Variants in MVB12B observed in about 807,000 individuals in gnomAD.
The protein encoded by MVB12B is ESCRT-I complex subunit MVB12B.
A neutral mutation model predicts 41.6 loss-of-function variants in MVB12B; 16 were observed. That is an observed-to-expected ratio of 0.38 (90% CI 0.26 to 0.58). MVB12B has a LOEUF of 0.58. MVB12B is among the 20% of genes least tolerant of loss of function. MVB12B has a pLI of 0.62. For synonymous variants in MVB12B, 133 were observed against 139.7 expected (o/e 0.95, Z 0.34); for missense variants, 274 against 380.2 (o/e 0.72, Z 2.32).
chr9:126,501,577 A>G (rs1359930477), intron 9 of MVB12B, among the ~76,000 whole-genome samples: 1 of 152,174 alleles, frequency 6.6e-6, no homozygotes, highest in African/African-American at 2.4e-5. Context: ...AGTGGCAGCC[A>G]TGGACATAGT....
intron 7 of MVB12B, among the ~76,000 whole-genome samples, chr9:126,426,161 A>C (rs943152889): frequency 6.6e-6 from 1 of 152,250 alleles, no homozygotes; most frequent in African/African-American, 2.4e-5. Context: ...CCGGATGGCC[A>C]AGAAATCCTA....
At chr9:126,431,096 C>T (rs1390061577) in intron 7 of MVB12B, among the ~76,000 whole-genome samples, 1 of 152,194 alleles carries the variant, frequency 6.6e-6, no homozygotes, top group East Asian at 1.9e-4. Flanking sequence ...GGGCCCAGCA[C>T]GGTCTTCATC....
At position 126,506,001 on chromosome 9, in the gene MVB12B, T is replaced by C. The variant is rs76020842; in HGVS notation, c.*2738T>C. On this transcript the variant is annotated 3_prime_UTR_variant, in exon 10 of 10. Coordinates refer to ENST00000361171, the MANE Select transcript of MVB12B (RefSeq NM_033446.3). ...CTGTCCCCACCGCCTCCCCTTTCTCTCTGGAAAGTTGAAGTATCTCCAAAG... is the reference window on the plus strand; with the variant it reads ...CTGTCCCCACCGCCTCCCCTTTCTCCCTGGAAAGTTGAAGTATCTCCAAAG... 3.6e-3 allele frequency: 549 copies of C among 152,218 alleles called. 8 individuals carry two copies. The East Asian group carries it at 0.041, about 11-fold the overall frequency. 9.4% of individuals were successfully genotyped at this position (152,218 alleles called of 1,614,324 possible).
At position 126,478,375 on chromosome 9, in the gene MVB12B, C is replaced by T. The variant is rs1296841436; in HGVS notation, c.758-2994C>T. On this transcript the variant is annotated intron_variant, in intron 7 of 9. Transcript: ENST00000361171. This position sits in a 1 kb window ranked among gnomAD's most constrained non-coding sequence, Gnocchi z 4.2. ...CCCCGTGCATGGGAACAGCAGCCCT[C>T]CCTGTCCAGCACAGCCCCTGAGCCC... 1.3e-5 allele frequency among the ~76,000 whole-genome samples: 2 copies of T among 152,152 alleles called. No homozygotes were observed. Among genetic ancestry groups the T allele is most frequent in the Non-Finnish European group, 2.9e-5 (2 of 68,032 alleles).
At chr9:126,382,887 T>C (rs1830673645) in intron 3 of MVB12B, among the ~76,000 whole-genome samples, 1 of 152,176 alleles carries the variant, frequency 6.6e-6, no homozygotes, top group African/African-American at 2.4e-5. Flanking sequence ...AGAAAACACA[T>C]TGATTTCATC....
intron 7 of MVB12B, among the ~76,000 whole-genome samples, chr9:126,447,454 T>G (rs916607206): frequency 4.6e-5 from 7 of 152,116 alleles, no homozygotes; most frequent in Admixed American, 1.3e-4. Flanking sequence ...GTTTTGATTA[T>G]CCCTTTGACT....
chr9:126,406,467 C>T (rs1646954673), intron 6 of MVB12B, among the ~76,000 whole-genome samples: 1 of 152,260 alleles, frequency 6.6e-6, no homozygotes, highest in South Asian at 2.1e-4. Flanking sequence ...CTCTCACGCA[C>T]ACAGTCCTTT....
At chr9:126,464,726 A>C (rs536111518) in intron 7 of MVB12B, among the ~76,000 whole-genome samples, 1 of 152,190 alleles carries the variant, frequency 6.6e-6, no homozygotes, top group African/African-American at 2.4e-5. Context: ...TTCAGGTCAC[A>C]TGGCAAGGTG....
At chr9:126,438,174 G>A (rs1832537512) in intron 7 of MVB12B, among the ~76,000 whole-genome samples, 1 of 152,162 alleles carries the variant, frequency 6.6e-6, no homozygotes, top group African/African-American at 2.4e-5. Context: ...AAAGCAAATG[G>A]AAATAGGCTT....
intron 7 of MVB12B, among the ~76,000 whole-genome samples, chr9:126,446,938 CTTTTTTTT>C (rs33991689): frequency 9.6e-6 from 1 of 104,324 alleles, no homozygotes; most frequent in African/African-American, 3.9e-5. Context: ...TTTTAACTTT[CTTTTTTTT>C]TTTTTTTTTT....
At chr9:126,449,004 T>G (rs1832843289) in intron 7 of MVB12B, among the ~76,000 whole-genome samples, 1 of 152,176 alleles carries the variant, frequency 6.6e-6, no homozygotes, top group African/African-American at 2.4e-5. Flanking sequence ...CAGCGTGGCA[T>G]AGAAGGAAGG....
intron 9 of MVB12B, among the ~76,000 whole-genome samples, chr9:126,494,868 A>ACCCCCC (rs61435398): frequency 3.9e-5 from 5 of 127,570 alleles, no homozygotes; most frequent in South Asian, 2.4e-4. Flanking sequence ...GGAGCACCCC[A>ACCCCCC]CCCCCCCCCA....
chr9:126,337,759 T>A (rs1335940188), intron 1 of MVB12B, among the ~76,000 whole-genome samples: 2 of 152,166 alleles, frequency 1.3e-5, no homozygotes, highest in African/African-American at 4.8e-5. Flanking sequence ...GAGATACAGA[T>A]GGATGCTGGA....
intron 1 of MVB12B, among the ~76,000 whole-genome samples, chr9:126,331,209 C>T (rs1829122021): frequency 1.3e-5 from 2 of 152,196 alleles, no homozygotes; most frequent in Non-Finnish European, 2.9e-5. Flanking sequence ...AGTGGCTGTG[C>T]CATTTTACAT....
At chr9:126,502,771 T>TG (rs564631188) in intron 9 of MVB12B, among the ~76,000 whole-genome samples, 1 of 152,308 alleles carries the variant, frequency 6.6e-6, no homozygotes, top group South Asian at 2.1e-4. Context: ...CAGCCAGGTT[T>TG]GGGGTTGAGA....
chr9:126,419,418 T>A (rs1223262237), intron 6 of MVB12B, among the ~76,000 whole-genome samples: 1 of 152,168 alleles, frequency 6.6e-6, no homozygotes, highest in African/African-American at 2.4e-5. Context: ...CTTGATAGCA[T>A]TTGAATAAGG....
intron 7 of MVB12B, among the ~76,000 whole-genome samples, chr9:126,458,593 C>A (rs758076258): frequency 1.3e-5 from 2 of 152,180 alleles, no homozygotes; most frequent in African/African-American, 4.8e-5. Flanking sequence ...TTGGGCCTTG[C>A]GTTTCATGGT....
intron 6 of MVB12B, among the ~76,000 whole-genome samples, chr9:126,416,021 A>C (rs1831811796): frequency 6.6e-6 from 1 of 152,190 alleles, no homozygotes; most frequent in Non-Finnish European, 1.5e-5. Flanking sequence ...GCAGACGTGA[A>C]TGCAGGGAGG....
chr9:126,468,267 G>A lies in MVB12B; in HGVS notation c.758-13102G>A, dbSNP rs1052207729. Among the ~76,000 whole-genome samples the A allele has an allele frequency of 1.1e-4, 17 of 151,856 alleles. No individual in the cohort carries two copies. The highest frequency in any genetic ancestry group is 2.1e-4 in the Non-Finnish European group (14 of 67,970). On this transcript the variant is annotated intron_variant, in intron 7 of 9. Coordinates refer to ENST00000361171, the MANE Select transcript of MVB12B (RefSeq NM_033446.3). The surrounding 1 kb of genome is among the most constrained non-coding windows in gnomAD (Gnocchi z 4.3). ...CAAACTCACCCTCACATCCCCGCCC[G>A]CCAGGCCTCATTTCTGGATCTCCAC...
Sources: gnomAD v4.1 joint callset for allele counts (sites outside exome capture counted in the v4.1 genomes callset) on GRCh38, gnomAD v4.1.1 for gene constraint, Gnocchi (gnomAD v3.1) non-coding constraint, MANE v1.5 for transcripts, NCBI Gene and HGNC (gene_info 2026-07-23, HGNC 2026-07-21) for gene names.